The following CSMD1 variants were observed in gnomAD, a reference collection of about 807,000 sequenced individuals.
CSMD1 encodes the protein CUB and sushi domain-containing protein 1.
CSMD1 carries 213 observed loss-of-function variants against 417.5 expected under a neutral mutation model. The observed-to-expected ratio is 0.51, with a 90% CI of 0.46 to 0.57. The LOEUF (loss-of-function observed/expected upper bound fraction) is 0.57, where lower values mean the gene tolerates loss of function less well. CSMD1 is among the 20% of genes least tolerant of loss of function. The probability of loss-of-function intolerance (pLI) is 0.00; values close to 1 mark genes in which losing one functional copy is unlikely to be tolerated. For synonymous variants in CSMD1, 2,862 were observed against 1,736.8 expected, an observed-to-expected ratio of 1.65 and a Z score of -16.11; for missense variants, 6,923 against 4,529.7, an observed-to-expected ratio of 1.53 and a Z score of -15.17.
intron 23 of CSMD1, among the ~76,000 whole-genome samples, chr8:3,339,688 G>C (rs994257517): frequency 6.6e-6 from 1 of 152,146 alleles, no homozygotes; most frequent in African/African-American, 2.4e-5. Flanking sequence ...ATACAGCTCT[G>C]TGGACCCTCA....
chr8:3,403,304 A>G (rs909777646), intron 15 of CSMD1, among the ~76,000 whole-genome samples: 4 of 151,896 alleles, frequency 2.6e-5, no homozygotes, highest in African/African-American at 9.7e-5. Flanking sequence ...TTGCTATTTT[A>G]TTTTTTTCCC....
intron 4 of CSMD1, among the ~76,000 whole-genome samples, chr8:4,031,696 C>A (rs1215449923): frequency 6.6e-6 from 1 of 152,152 alleles, no homozygotes; most frequent in Non-Finnish European, 1.5e-5. Flanking sequence ...TACATACTAA[C>A]ATGCAATATT....
At chr8:3,622,318 C>A (rs1472290160) in intron 7 of CSMD1, among the ~76,000 whole-genome samples, 1 of 152,166 alleles carries the variant, frequency 6.6e-6, no homozygotes, top group Admixed American at 6.5e-5. Context: ...TCAAGATGAA[C>A]GACTATCATT....
At chr8:4,524,618 G>A (rs1267433570) in intron 2 of CSMD1, among the ~76,000 whole-genome samples, 1 of 135,816 alleles carries the variant, frequency 7.4e-6, no homozygotes, top group Non-Finnish European at 1.5e-5. Context: ...GTGCCACCTA[G>A]TGAAGTATTT....
intron 5 of CSMD1, among the ~76,000 whole-genome samples, chr8:3,770,603 C>T (rs190771189): frequency 6.6e-6 from 1 of 152,176 alleles, no homozygotes; most frequent in Non-Finnish European, 1.5e-5. Flanking sequence ...TGCAGAACGG[C>T]CATAAATGAA....
At chr8:3,979,960 T>A (rs1813728000) in intron 5 of CSMD1, among the ~76,000 whole-genome samples, 1 of 152,230 alleles carries the variant, frequency 6.6e-6, no homozygotes, top group Non-Finnish European at 1.5e-5. Context: ...CAGCCAACAC[T>A]GCCAAAGTTA....
rs1243591838 is a variant in CSMD1 at position 2,962,528 on chromosome 8, C to T, written c.9566G>A (p.Gly3189Glu). Reference protein sequence around the residue: ...FQCKSPFILVGSSRRVCQADG... With the variant: ...FQCKSPFILVESSRRVCQADG... The stretch of plus-strand genomic sequence containing the variant: ...AGCTTGGCAGACTCTTCTGGAGGAT[C>T]CCACGAGTATAAATGGAGATTTGCA... The change falls in exon 61 of 70, where the codon GGA (glycine) becomes GAA (glutamate). Residue 3189 changes from glycine to glutamate, a missense_variant. Transcript: ENST00000635120. 2 of 1,613,920 alleles carry T rather than the reference C, an allele frequency of 1.2e-6. No homozygotes were observed. The highest frequency in any genetic ancestry group is 2.2e-5 in the East Asian group (1 of 44,866).
chr8:4,900,630 G>A (rs1357450557), intron 1 of CSMD1, among the ~76,000 whole-genome samples: 2 of 152,128 alleles, frequency 1.3e-5, no homozygotes, highest in Non-Finnish European at 2.9e-5. Flanking sequence ...CCCCTAGGCT[G>A]TTCATCCAGC....
intron 23 of CSMD1, among the ~76,000 whole-genome samples, chr8:3,314,059 G>C (rs1338913535): frequency 1.3e-5 from 2 of 151,192 alleles, no homozygotes; most frequent in African/African-American, 4.9e-5. Flanking sequence ...TCATAGGTGG[G>C]AATTGAACAA....
At chr8:4,257,475 G>T (rs931973190) in intron 3 of CSMD1, among the ~76,000 whole-genome samples, 6 of 152,018 alleles carry the variant, frequency 3.9e-5, no homozygotes, top group Admixed American at 1.3e-4. Context: ...TTTTAAGAAT[G>T]CATATATTTC....
chr8:3,499,999 G>A (rs1257125517), intron 10 of CSMD1, among the ~76,000 whole-genome samples: 3 of 152,102 alleles, frequency 2.0e-5, no homozygotes, highest in South Asian at 2.1e-4. Context: ...TATGAGGCCT[G>A]TGGGGGCTTT....
intron 3 of CSMD1, among the ~76,000 whole-genome samples, chr8:4,126,630 C>T (rs543057110): frequency 6.6e-6 from 1 of 152,254 alleles, no homozygotes; most frequent in Admixed American, 6.5e-5. Context: ...GTCCTTGAGG[C>T]TTTCTGTATT....
At chr8:3,561,444 C>A (rs533375497) in intron 10 of CSMD1, among the ~76,000 whole-genome samples, 45 of 147,896 alleles carry the variant, frequency 3.0e-4, no homozygotes, top group African/African-American at 1.0e-3. Flanking sequence ...ATGGATACCA[C>A]ACAATCATAA....
intron 3 of CSMD1, among the ~76,000 whole-genome samples, chr8:4,290,326 A>G (rs1024967009): frequency 1.3e-5 from 2 of 152,182 alleles, no homozygotes; most frequent in Non-Finnish European, 2.9e-5. Context: ...GTCGTGTTTG[A>G]ATTTCTACAC....
chr8:3,294,313 A>C (rs184322463), intron 25 of CSMD1, among the ~76,000 whole-genome samples: 3 of 152,096 alleles, frequency 2.0e-5, no homozygotes, highest in Non-Finnish European at 2.9e-5. Context: ...TGAGATCTCA[A>C]GCTGTGTGCT....
intron 2 of CSMD1, among the ~76,000 whole-genome samples, chr8:4,582,071 C>T (rs1463234965): frequency 1.3e-5 from 2 of 148,234 alleles, no homozygotes; most frequent in Non-Finnish European, 1.5e-5. Context: ...TTCCGAGCCT[C>T]TTTTTTTTTT....
intron 7 of CSMD1, among the ~76,000 whole-genome samples, chr8:3,628,737 G>A (rs1024064290): frequency 6.6e-6 from 1 of 152,056 alleles, no homozygotes; most frequent in Non-Finnish European, 1.5e-5. Context: ...CAGCTCATGA[G>A]AGCCATACGG....
At chr8:4,807,520 A>C (rs1798658582) in intron 1 of CSMD1, among the ~76,000 whole-genome samples, 1 of 152,084 alleles carries the variant, frequency 6.6e-6, no homozygotes. Flanking sequence ...CCCCAGACAA[A>C]CCAGAGAGCA....
At chr8:4,421,720 C>T (rs141100823) in intron 2 of CSMD1, among the ~76,000 whole-genome samples, 17 of 151,788 alleles carry the variant, frequency 1.1e-4, no homozygotes, top group East Asian at 5.8e-4. Context: ...ACTAAAAACA[C>T]AGCTTAGAAA....
Sources: allele counts gnomAD v4.1 joint callset (sites outside exome capture counted in the v4.1 genomes callset), GRCh38; gene constraint gnomAD v4.1.1; transcripts MANE v1.5; gene names NCBI Gene and HGNC (gene_info 2026-07-23, HGNC 2026-07-21).